The following PTPRG variants were observed in gnomAD, a reference collection of about 807,000 sequenced individuals.
The protein encoded by PTPRG is protein tyrosine phosphatase receptor type G.
A neutral mutation model predicts 165.3 loss-of-function variants in PTPRG; 102 were observed. That is an observed-to-expected ratio of 0.62 (90% confidence interval 0.53 to 0.73). The LOEUF (loss-of-function observed/expected upper bound fraction) is 0.73, where lower values mean the gene tolerates loss of function less well. PTPRG is among the 30% of genes least tolerant of loss of function. PTPRG has a pLI of 0.00. For missense variants in PTPRG, 1,866 were observed against 1,861.4 expected, an observed-to-expected ratio of 1.00 and a Z score of -0.05; for synonymous variants, 675 against 669.5, an observed-to-expected ratio of 1.01 and a Z score of -0.13.
intron 2 of PTPRG, among the ~76,000 whole-genome samples, chr3:61,787,375 C>G (rs951133088): frequency 2.0e-5 from 3 of 152,178 alleles, no homozygotes; most frequent in African/African-American, 7.2e-5. Flanking sequence ...TGCCTTTTCC[C>G]TGAATGAATC....
At chr3:62,172,010 A>G (rs545238655) in intron 8 of PTPRG, among the ~76,000 whole-genome samples, 1 of 152,292 alleles carries the variant, frequency 6.6e-6, no homozygotes, top group South Asian at 2.1e-4. Context: ...TGGATCATAT[A>G]TGACTTTTTT....
At chr3:61,683,278 G>A (rs761206036) in intron 1 of PTPRG, among the ~76,000 whole-genome samples, 10 of 152,248 alleles carry the variant, frequency 6.6e-5, no homozygotes, top group African/African-American at 2.2e-4. Flanking sequence ...CTCTGGGTAA[G>A]GCCAGCAGAG....
chr3:62,069,237 C>T (rs1701121172), intron 4 of PTPRG, among the ~76,000 whole-genome samples: 1 of 152,208 alleles, frequency 6.6e-6, no homozygotes, highest in Non-Finnish European at 1.5e-5. Context: ...ACAACAGCCC[C>T]TTGAGGTGTG....
intron 2 of PTPRG, among the ~76,000 whole-genome samples, chr3:61,820,949 T>C (rs190395349): frequency 5.9e-5 from 9 of 152,272 alleles, no homozygotes; most frequent in Non-Finnish European, 1.2e-4. Flanking sequence ...TTTTTTTTCA[T>C]TACGCCAAGC....
intron 6 of PTPRG, among the ~76,000 whole-genome samples, chr3:62,151,927 A>G (rs968973735): frequency 3.3e-5 from 5 of 152,206 alleles, no homozygotes; most frequent in African/African-American, 1.2e-4. Context: ...TGTCAGTGTT[A>G]TTATCCCATT....
At chr3:62,289,911 G>A (rs1702818428) in intron 28 of PTPRG, among the ~76,000 whole-genome samples, 1 of 151,980 alleles carries the variant, frequency 6.6e-6, no homozygotes, top group Non-Finnish European at 1.5e-5. Context: ...GAAGATAGAA[G>A]AAGCGTAAAA....
intron 5 of PTPRG, among the ~76,000 whole-genome samples, chr3:62,105,292 A>G (rs1426081391): frequency 2.6e-5 from 4 of 152,340 alleles, no homozygotes; most frequent in Admixed American, 6.5e-5. Context: ...CCAAATAGCT[A>G]TATTAATGTT....
intron 1 of PTPRG, among the ~76,000 whole-genome samples, chr3:61,658,816 G>A (rs543693596): frequency 6.6e-6 from 1 of 152,222 alleles, no homozygotes; most frequent in South Asian, 2.1e-4. Context: ...GTATTTTTTG[G>A]CCAAAGCCAG....
At chr3:62,128,301 A>G (rs1703389946) in intron 5 of PTPRG, among the ~76,000 whole-genome samples, 1 of 152,054 alleles carries the variant, frequency 6.6e-6, no homozygotes, top group African/African-American at 2.4e-5. Context: ...TTACTGCATA[A>G]CTCCTTTGAT....
intron 4 of PTPRG, among the ~76,000 whole-genome samples, chr3:62,008,603 A>C (rs1006250103): frequency 4.6e-5 from 7 of 152,228 alleles, no homozygotes; most frequent in African/African-American, 1.7e-4. Context: ...AATCTTTCTT[A>C]GAAAGTTATT....
At chr3:62,166,197 C>CCTTT (rs1704970833) in intron 7 of PTPRG, among the ~76,000 whole-genome samples, 1 of 53,900 alleles carries the variant, frequency 1.9e-5, no homozygotes, top group Non-Finnish European at 3.4e-5. Context: ...AATTACAGTT[C>CCTTT]TTTTTTTTTT....
chr3:62,057,512 A>C (rs946093946), intron 4 of PTPRG, among the ~76,000 whole-genome samples: 4 of 152,196 alleles, frequency 2.6e-5, no homozygotes, highest in Non-Finnish European at 4.4e-5. Flanking sequence ...CAGTCAGTGC[A>C]TTTTCTCTTG....
chr3:61,700,087 A>G (rs1282423321), intron 1 of PTPRG, among the ~76,000 whole-genome samples: 1 of 152,040 alleles, frequency 6.6e-6, no homozygotes, highest in East Asian at 1.9e-4. Flanking sequence ...TATATAGTAA[A>G]TGGGTGGCTC....
chr3:61,805,992 C>G (rs2035402803), intron 2 of PTPRG, among the ~76,000 whole-genome samples: 1 of 152,222 alleles, frequency 6.6e-6, no homozygotes, highest in Middle Eastern at 3.4e-3. Context: ...AAGAAAAATA[C>G]AGCACAAACC....
chr3:61,685,106 C>T (rs868208844), intron 1 of PTPRG, among the ~76,000 whole-genome samples: 1 of 152,200 alleles, frequency 6.6e-6, no homozygotes, highest in Non-Finnish European at 1.5e-5. Flanking sequence ...AGACTGCCTA[C>T]CTCCCTCATC....
chr3:61,773,810 T>C (rs955632016), intron 2 of PTPRG, among the ~76,000 whole-genome samples: 6 of 151,790 alleles, frequency 4.0e-5, no homozygotes, highest in Non-Finnish European at 8.8e-5. Context: ...AGTCTTACTC[T>C]GTCACCCAGG....
At chr3:61,883,915 C>A (rs1050236683) in intron 2 of PTPRG, among the ~76,000 whole-genome samples, 1 of 152,134 alleles carries the variant, frequency 6.6e-6, no homozygotes, top group Non-Finnish European at 1.5e-5. Flanking sequence ...AGGGTCTTAC[C>A]ATGTTGCTCA....
intron 2 of PTPRG, among the ~76,000 whole-genome samples, chr3:61,897,244 T>C (rs1214574074): frequency 1.3e-5 from 2 of 152,280 alleles, no homozygotes; most frequent in Non-Finnish European, 2.9e-5. Flanking sequence ...TTTAAATAGA[T>C]GATCCATTTT....
At chr3:61,702,458 C>T (rs905776426) in intron 1 of PTPRG, among the ~76,000 whole-genome samples, 1 of 152,142 alleles carries the variant, frequency 6.6e-6, no homozygotes, top group Non-Finnish European at 1.5e-5. Context: ...GGGAGAGTTA[C>T]ATTTTTACAA....
Sources: gnomAD v4.1 joint callset for allele counts (sites outside exome capture counted in the v4.1 genomes callset) on GRCh38, gnomAD v4.1.1 for gene constraint, MANE v1.5 for transcripts, NCBI Gene and HGNC (gene_info 2026-07-23, HGNC 2026-07-21) for gene names.